Variants in ARHGEF19 observed in about 807,000 individuals in gnomAD.
ARHGEF19 encodes Rho guanine nucleotide exchange factor 19.
Under a neutral mutation model 87.6 loss-of-function variants are expected in ARHGEF19, and 92 were observed. That is an observed-to-expected ratio of 1.05 (90% CI 0.89 to 1.25). The LOEUF (loss-of-function observed/expected upper bound fraction) is 1.25, where lower values mean the gene tolerates loss of function less well. Among genes scored for constraint, ARHGEF19 ranks in the 50% most tolerant of loss-of-function variants. ARHGEF19 has a pLI of 0.00. For synonymous variants in ARHGEF19, 438 were observed against 446.2 expected, an observed-to-expected ratio of 0.98 and a Z score of 0.23; for missense variants, 1,054 against 1,051.8, an observed-to-expected ratio of 1.00 and a Z score of -0.03.
chr1:16,204,018 T>G (rs1000982603), intron 12 of ARHGEF19, among the ~76,000 whole-genome samples: 1 of 152,236 alleles, frequency 6.6e-6, no homozygotes, highest in Admixed American at 6.5e-5. Flanking sequence ...ATTCTTCTTA[T>G]AGCATAACAT....
Position 16,199,328 on chromosome 1 carries a change from G to A in ARHGEF19, c.2147-74C>T. 4 of 1,280,910 alleles carry A rather than the reference G, an allele frequency of 3.1e-6. No homozygotes were observed. In the Admixed American group the frequency reaches 6.9e-5, roughly 22 times the overall value. The allele number at this position is 1,280,910 out of a possible 1,614,324, so 79.3% of individuals were successfully genotyped here. The stretch of plus-strand genomic sequence containing the variant: ...GGGAGGAGCATGGGTAGGGCAGGGA[G>A]GGGCAGTAGGAGGAAGTAAGGGGGT... On this transcript the variant is annotated intron_variant, in intron 14 of 15. Coordinates refer to ENST00000270747, the MANE Select transcript of ARHGEF19 (RefSeq NM_153213.5).
Position 16,205,976 on chromosome 1 carries a change from T to C in ARHGEF19, c.1406A>G (p.Tyr469Cys). The change falls in exon 8 of 16, where the codon TAT (tyrosine) becomes TGT (cysteine). Residue 469 changes from tyrosine to cysteine, a missense_variant. Transcript: ENST00000270747. This position sits in a 1 kb window ranked among gnomAD's most constrained non-coding sequence, Gnocchi z 5.8. ...CPAFRRVYLP[Y>C]VTNQAYQERT... is the part of the protein sequence containing the mutation. Reference sequence around the variant, plus strand: ...CTCCTGGTAGGCCTGGTTGGTGACATAGGGCAGGTAGACTCTGCGGAAGGC... The same window carrying C: ...CTCCTGGTAGGCCTGGTTGGTGACACAGGGCAGGTAGACTCTGCGGAAGGC... 2 of 1,611,338 alleles carry C rather than the reference T, an allele frequency of 1.2e-6. No homozygotes were observed. The highest frequency in any genetic ancestry group is 4.5e-5 in the East Asian group (2 of 44,802).
rs1193177479 is a variant in ARHGEF19, at chr1:16,207,376, A to C, written c.874+146T>G. On this transcript the variant is annotated intron_variant, in intron 5 of 15. Coordinates refer to ENST00000270747, the MANE Select transcript of ARHGEF19 (RefSeq NM_153213.5). The surrounding 1 kb of genome is among the most constrained non-coding windows in gnomAD (Gnocchi z 4.0). ...CATTCATTCCATAAACAAATTGAGCACCTACTGAGTGCTAGATACCGACAG... is the reference window on the plus strand; with the variant it reads ...CATTCATTCCATAAACAAATTGAGCCCCTACTGAGTGCTAGATACCGACAG... The C allele has an allele frequency of 1.5e-6, 2 of 1,322,410 alleles. No individual in the cohort carries two copies. The highest frequency in any genetic ancestry group is 2.0e-6 in the Non-Finnish European group (2 of 976,766). The allele number at this position is 1,322,410 out of a possible 1,614,324, so 81.9% of individuals were successfully genotyped here.
Position 16,206,380 on chromosome 1 carries a change from G to T in ARHGEF19, c.1138-40C>A, listed in dbSNP as rs369986840. 6.4e-7 allele frequency: 1 copy of T among 1,558,768 alleles called. No individual in the cohort carries two copies. Among genetic ancestry groups the T allele is most frequent in the South Asian group, 1.2e-5 (1 of 84,386 alleles). On this transcript the variant is annotated intron_variant, in intron 6 of 15. Coordinates refer to ENST00000270747, the MANE Select transcript of ARHGEF19 (RefSeq NM_153213.5). This position sits in a 1 kb window ranked among gnomAD's most constrained non-coding sequence, Gnocchi z 4.6. ...ACACGGGGTCGAAAGGGCAGGACCA[G>T]TTCACCTCGGAGGCCCTGGCCTCAC... is the stretch of plus-strand genomic sequence containing the variant.
Position 16,205,597 on chromosome 1 carries a change from G to A in ARHGEF19, c.1522C>T (p.Leu508Phe). The change falls in exon 9 of 16, where the codon CTT (leucine) becomes TTT (phenylalanine). Residue 508 changes from leucine (L) to phenylalanine (F), a missense_variant. Physicochemically the swap from Leu to Phe is conservative, Grantham distance 22. Coordinates refer to ENST00000270747, the MANE Select transcript of ARHGEF19 (RefSeq NM_153213.5). The surrounding 1 kb of genome is among the most constrained non-coding windows in gnomAD (Gnocchi z 5.8). ...EESPVCQRLP[L>F]TSFLILPFQR... Reference sequence around the variant, plus strand: ...AAGGGCAGGATAAGGAAGGAGGTAAGGGGCAGACGCTGGCACACAGGAGAC... The same window carrying A: ...AAGGGCAGGATAAGGAAGGAGGTAAAGGGCAGACGCTGGCACACAGGAGAC... 1 of 1,614,012 alleles carries A rather than the reference G, an allele frequency of 6.2e-7. No individual in the cohort carries two copies. The highest frequency in any genetic ancestry group is 2.2e-5 in the East Asian group (1 of 44,874).
rs868525940 is a variant in ARHGEF19 at position 16,205,794 on chromosome 1, C to T, written c.1452-127G>A. On this transcript the variant is annotated intron_variant, in intron 8 of 15. Transcript: ENST00000270747. This position sits in a 1 kb window ranked among gnomAD's most constrained non-coding sequence, Gnocchi z 5.8. Reference sequence around the variant, plus strand: ...CTTACTGCCCTTTGGGGTTGCATCTCACCTTATCCTGGTCACAGAGACCTT... The same window carrying T: ...CTTACTGCCCTTTGGGGTTGCATCTTACCTTATCCTGGTCACAGAGACCTT... The T allele has an allele frequency of 3.4e-4, 498 of 1,486,006 alleles. No homozygotes were observed. In the Middle Eastern group the frequency reaches 0.011, roughly 33 times the overall value. The allele number at this position is 1,486,006 out of a possible 1,614,324, so 92.1% of individuals were successfully genotyped here. A position where few individuals can be genotyped will look rare whatever the true frequency, so the allele number is the denominator to read the frequency against.
intron 1 of ARHGEF19, among the ~76,000 whole-genome samples, chr1:16,212,121 C>T (rs1178081438): frequency 1.3e-5 from 2 of 152,154 alleles, no homozygotes; most frequent in Admixed American, 6.5e-5. Context: ...AGGAAAGTAC[C>T]CTTGGTGGGT....
Position 16,198,845 on chromosome 1 carries a change from G to T in ARHGEF19, c.2252-101C>A, listed in dbSNP as rs2081060891. 5.6e-6 allele frequency: 8 copies of T among 1,428,590 alleles called. No individual in the cohort carries two copies. Among genetic ancestry groups the T allele is most frequent in the Non-Finnish European group, 5.6e-6 (6 of 1,063,702 alleles). 88.5% of individuals were successfully genotyped at this position (1,428,590 alleles called of 1,614,324 possible). On this transcript the variant is annotated intron_variant, in intron 15 of 15. Coordinates refer to ENST00000270747, the MANE Select transcript of ARHGEF19 (RefSeq NM_153213.5). This position sits in a 1 kb window ranked among gnomAD's most constrained non-coding sequence, Gnocchi z 4.1. ...TGATGCAAGCTTTGTCTGCACCCTT[G>T]GGGCCAAGGTGACATCATCTCAGCA...
Position 16,199,142 on chromosome 1 carries a change from C to G in ARHGEF19, c.2251+8G>C. 8 of 1,613,816 alleles carry G rather than the reference C, an allele frequency of 5.0e-6. No individual in the cohort carries two copies. The highest frequency in any genetic ancestry group is 6.8e-6 in the Non-Finnish European group (8 of 1,179,812). Reference sequence around the variant, plus strand: ...CATCAGGGACACTTTCCCAGGAGGCCCCCTCACCGTCACTGGTCCAGGTCC... The same window carrying G: ...CATCAGGGACACTTTCCCAGGAGGCGCCCTCACCGTCACTGGTCCAGGTCC... On this transcript the variant is annotated splice_region_variant and intron_variant, in intron 15 of 15. Coordinates refer to ENST00000270747, the MANE Select transcript of ARHGEF19 (RefSeq NM_153213.5).
chr1:16,206,098 C>G lies in ARHGEF19; in HGVS notation c.1299-15G>C, dbSNP rs769425546. 3.2e-6 allele frequency: 5 copies of G among 1,575,472 alleles called. No homozygotes were observed. Among genetic ancestry groups the G allele is most frequent in the Admixed American group, 3.7e-5 (2 of 53,384 alleles). On this transcript the variant is annotated splice_polypyrimidine_tract_variant and intron_variant, in intron 7 of 15. Transcript: ENST00000270747. The surrounding 1 kb of genome is among the most constrained non-coding windows in gnomAD (Gnocchi z 4.6). ...CCTGCAGGAACCTGAGGAGTCAGAG[C>G]CAGGATGGAGACCCCAGATCTGGGA...
rs1423201425 is a variant in ARHGEF19 at position 16,198,652 on chromosome 1, G to A, written c.2344C>T (p.Arg782Ter). ...EEISSLSARL[R>*]NLRENKRVTS... ...ACTCGCTTATTCTCCCGGAGGTTTC[G>A]GAGGCGGGCGCTGAGGCTGCTGATC... The change falls in exon 16 of 16, where the codon CGA (arginine) becomes TGA (stop). Residue 782 changes from arginine (R) to a stop codon, truncating the protein, a stop_gained. Transcript: ENST00000270747. LOFTEE classifies it high-confidence loss of function. This position sits in a 1 kb window ranked among gnomAD's most constrained non-coding sequence, Gnocchi z 4.1. The A allele has an allele frequency of 3.7e-6, 6 of 1,613,646 alleles. No individual in the cohort carries two copies. The African/African-American group carries it at 4.0e-5, about 11-fold the overall frequency.
At position 16,204,880 on chromosome 1, in the gene ARHGEF19, G is replaced by A; in HGVS notation, c.1786C>T (p.His596Tyr). 6.2e-7 allele frequency: 1 copy of A among 1,603,250 alleles called. No homozygotes were observed. The highest frequency in any genetic ancestry group is 1.3e-5 in the African/African-American group (1 of 74,868). ...GGTGCCAGCTCTACCAACTCTCCAT[G>A]CCGAACCAGCCAGCGGGCCTGAGAG... ...LISQARWLVR[H>Y]GELVELAPLP... The change falls in exon 12 of 16, where the codon CAT becomes TAT. Residue 596 changes from histidine (H) to tyrosine (Y), a missense_variant. By Grantham distance (83) the His-to-Tyr change is moderately conservative. Coordinates refer to ENST00000270747, the MANE Select transcript of ARHGEF19 (RefSeq NM_153213.5).
Position 16,212,560 on chromosome 1 carries a change from G to A in ARHGEF19, c.-88C>T, listed in dbSNP as rs967615980. On this transcript the variant is annotated 5_prime_UTR_variant, in exon 1 of 16. Transcript: ENST00000270747. ...GGTCCAGGGCTCCGGGACACCCTGG[G>A]GGCTCTGGGGTTGCAGCCAAGTCCT... is the stretch of plus-strand genomic sequence containing the variant. 2 of 152,552 alleles carry A rather than the reference G, an allele frequency of 1.3e-5. No individual in the cohort carries two copies. The highest frequency in any genetic ancestry group is 4.8e-5 in the African/African-American group (2 of 41,446). The allele number at this position is 152,552 out of a possible 1,614,324, so 9.4% of individuals were successfully genotyped here. A position where few individuals can be genotyped will look rare whatever the true frequency, so the allele number is the denominator to read the frequency against.
rs1339341212 is a variant in ARHGEF19, at chr1:16,207,450, C to T, written c.874+72G>A. 3 of 1,578,206 alleles carry T rather than the reference C, an allele frequency of 1.9e-6. No homozygotes were observed. The highest frequency in any genetic ancestry group is 1.7e-5 in the Admixed American group (1 of 58,552). ...ATCCCTACCTCTCAACTCTCCAAACCCTCTTTTCCCCGTTTCCACACCGCA... is the reference window on the plus strand; with the variant it reads ...ATCCCTACCTCTCAACTCTCCAAACTCTCTTTTCCCCGTTTCCACACCGCA... On this transcript the variant is annotated intron_variant, in intron 5 of 15. Coordinates refer to ENST00000270747, the MANE Select transcript of ARHGEF19 (RefSeq NM_153213.5). This position sits in a 1 kb window ranked among gnomAD's most constrained non-coding sequence, Gnocchi z 4.0.
At chr1:16,209,730 G>A (rs2081181361) in intron 1 of ARHGEF19, among the ~76,000 whole-genome samples, 1 of 152,180 alleles carries the variant, frequency 6.6e-6, no homozygotes, top group African/African-American at 2.4e-5. Context: ...CCCTTCACAT[G>A]CACACAGACA....
At position 16,206,260 on chromosome 1, in the gene ARHGEF19, G is replaced by A; in HGVS notation, c.1218C>T (p.Ala406=). ...GCGCCCCCAGACACTCGCTCAGCTCGGCAGAGCCTAAGAAGTGGCCCACAG... is the reference window on the plus strand; with the variant it reads ...GCGCCCCCAGACACTCGCTCAGCTCAGCAGAGCCTAAGAAGTGGCCCACAG... ...SVAVGHFLGS[A]ELSECLGAQD... The change falls in exon 7 of 16, where the codon GCC becomes GCT. Residue 406 remains alanine, a synonymous_variant. Transcript: ENST00000270747. This position sits in a 1 kb window ranked among gnomAD's most constrained non-coding sequence, Gnocchi z 4.6. The A allele has an allele frequency of 6.3e-7, 1 of 1,591,120 alleles. No individual in the cohort carries two copies.
Position 16,208,149 on chromosome 1 carries a change from G to A in ARHGEF19, c.489C>T (p.Gly163=). Residue 163 remains glycine, a synonymous_variant, in exon 3 of 16, where the codon GGC becomes GGT. Coordinates refer to ENST00000270747, the MANE Select transcript of ARHGEF19 (RefSeq NM_153213.5). ...TCAGGGCCTGCTCTTGCACTACCTG[G>A]CCAGGCTCTAGGAAGACAGCGTGGG... ...PEAHAVFLEP[G]QVVQEQALST... is the part of the protein sequence containing the mutation. 6.2e-7 allele frequency: 1 copy of A among 1,613,398 alleles called. No homozygotes were observed. The highest frequency in any genetic ancestry group is 2.2e-5 in the East Asian group (1 of 44,868).
chr1:16,202,460 G>C lies in ARHGEF19; in HGVS notation c.2022C>G (p.His674Gln), dbSNP rs142811188. The C allele has an allele frequency of 6.2e-7, 1 of 1,614,036 alleles. No homozygotes were observed. The highest frequency in any genetic ancestry group is 1.3e-5 in the African/African-American group (1 of 74,954). ...PGHVFLLQLL[H>Q]GQHMKHQFLL... ...GGAACTGGTGCTTCATGTGCTGCCCGTGGAGGAGCTGGAGGAGGAACACGT... is the reference window on the plus strand; with the variant it reads ...GGAACTGGTGCTTCATGTGCTGCCCCTGGAGGAGCTGGAGGAGGAACACGT... Residue 674 changes from histidine to glutamine, a missense_variant, in exon 13 of 16, where the codon CAC becomes CAG. Physicochemically the swap from His to Gln is conservative, Grantham distance 24. Coordinates refer to ENST00000270747, the MANE Select transcript of ARHGEF19 (RefSeq NM_153213.5).
chr1:16,208,176 C>T lies in ARHGEF19; in HGVS notation c.462G>A (p.Glu154=). ...CAGGCTCTAGGAAGACAGCGTGGGC[C>T]TCGGGGCAGCCGGGGACCTCTTCAC... The part of the protein sequence containing the change: ...YQREEVPGCP[E]AHAVFLEPGQ... Residue 154 remains glutamate, a synonymous_variant, in exon 3 of 16, where the codon GAG becomes GAA. Coordinates refer to ENST00000270747, the MANE Select transcript of ARHGEF19 (RefSeq NM_153213.5). 3 of 1,613,354 alleles carry T rather than the reference C, an allele frequency of 1.9e-6. No homozygotes were observed. Among genetic ancestry groups the T allele is most frequent in the East Asian group, 2.2e-5 (1 of 44,876 alleles).
Sources: allele counts gnomAD v4.1 joint callset (sites outside exome capture counted in the v4.1 genomes callset), GRCh38; gene constraint gnomAD v4.1.1; non-coding constraint Gnocchi (gnomAD v3.1); transcripts MANE v1.5; gene names NCBI Gene and HGNC (gene_info 2026-07-23, HGNC 2026-07-21).